RELN: variants seen among roughly 807,000 people sequenced by gnomAD.
The protein encoded by RELN is reelin.
Under a neutral mutation model 427.6 loss-of-function variants are expected in RELN, and 108 were observed. That is an observed-to-expected ratio of 0.25 (90% CI 0.22 to 0.30). The LOEUF (loss-of-function observed/expected upper bound fraction) is 0.30, where lower values mean the gene tolerates loss of function less well. Among genes scored for constraint, RELN ranks in the 10% least tolerant of loss-of-function variants. The pLI is 1.00. For missense variants in RELN, 3,715 were observed against 4,302.8 expected (o/e 0.86, Z 3.82); for synonymous variants, 1,524 against 1,513.4 (o/e 1.01, Z -0.16).
At chr7:103,981,948 T>C (rs904803571) in intron 1 of RELN, among the ~76,000 whole-genome samples, 10 of 152,108 alleles carry the variant, frequency 6.6e-5, no homozygotes, top group Admixed American at 6.5e-4. Flanking sequence ...AGGTGGACCA[T>C]CTGAGGTCAA....
chr7:103,696,545 T>C (rs1054267541), intron 10 of RELN, among the ~76,000 whole-genome samples: 6 of 152,140 alleles, frequency 3.9e-5, no homozygotes, highest in Admixed American at 1.3e-4. Flanking sequence ...CACCTGTCCA[T>C]CCAGCTGCCT....
intron 3 of RELN, among the ~76,000 whole-genome samples, chr7:103,789,908 C>G (rs183356687): frequency 7.0e-6 from 1 of 143,414 alleles, no homozygotes; most frequent in East Asian, 2.1e-4. Flanking sequence ...GCACTATTCA[C>G]AATAGCAAAG....
rs146495825 is a variant in RELN at position 103,792,260 on chromosome 7, G to A, written c.474-15633C>T. On this transcript the variant is annotated intron_variant, in intron 3 of 64. Coordinates refer to ENST00000428762, the MANE Select transcript of RELN (RefSeq NM_005045.4). The stretch of plus-strand genomic sequence containing the variant: ...AACACATGTTCACAGAGAAAAAAAT[G>A]TATACACAAATGTTCTCAGAAGCAT... 1.6e-4 allele frequency among the ~76,000 whole-genome samples: 24 copies of A among 152,224 alleles called. 1 individual carries two copies. The East Asian group carries it at 4.2e-3, about 27-fold the overall frequency.
At chr7:103,882,162 G>A (rs1794622268) in intron 2 of RELN, among the ~76,000 whole-genome samples, 1 of 152,150 alleles carries the variant, frequency 6.6e-6, no homozygotes, top group Non-Finnish European at 1.5e-5. Flanking sequence ...AATAACTAAT[G>A]CTATGTTAAA....
At chr7:103,521,201 G>A (rs1411494459) in intron 48 of RELN, among the ~76,000 whole-genome samples, 3 of 149,154 alleles carry the variant, frequency 2.0e-5, no homozygotes, top group Non-Finnish European at 4.4e-5. Flanking sequence ...GGATGGTCTC[G>A]ATCTCCTGAC....
chr7:103,472,787 G>T lies in RELN; in HGVS notation c.*25C>A. 6.4e-7 allele frequency: 1 copy of T among 1,552,494 alleles called. No individual in the cohort carries two copies. Among genetic ancestry groups the T allele is most frequent in the Non-Finnish European group, 8.9e-7 (1 of 1,124,146 alleles). ...GAGAGCAACACATCACATGTTGGAA[G>T]AAAAAAAATAAACTTTTTGATTCTT... On this transcript the variant is annotated 3_prime_UTR_variant, in exon 65 of 65. Coordinates refer to ENST00000428762, the MANE Select transcript of RELN (RefSeq NM_005045.4).
chr7:103,491,479 C>T (rs937888193), intron 58 of RELN, among the ~76,000 whole-genome samples: 1 of 152,044 alleles, frequency 6.6e-6, no homozygotes, highest in African/African-American at 2.4e-5. Context: ...CATATGTATA[C>T]ATTTTGTACA....
chr7:103,722,091 G>A (rs976441919), intron 8 of RELN, among the ~76,000 whole-genome samples: 1 of 152,090 alleles, frequency 6.6e-6, no homozygotes, highest in Non-Finnish European at 1.5e-5. Context: ...GTAAATTGTT[G>A]TAGGTAATAC....
intron 11 of RELN, among the ~76,000 whole-genome samples, chr7:103,668,680 G>A (rs543189294): frequency 1.3e-5 from 2 of 152,262 alleles, no homozygotes; most frequent in South Asian, 4.1e-4. Flanking sequence ...CAAGCACATG[G>A]AATAGTAACT....
intron 48 of RELN, among the ~76,000 whole-genome samples, chr7:103,520,747 T>A (rs1829680499): frequency 6.6e-6 from 1 of 152,094 alleles, no homozygotes; most frequent in Non-Finnish European, 1.5e-5. Context: ...TGAACATATG[T>A]GAAAAACTCA....
At chr7:103,755,619 A>T (rs1345872548) in intron 4 of RELN, among the ~76,000 whole-genome samples, 1 of 19,780 alleles carries the variant, frequency 5.1e-5, no homozygotes, top group Non-Finnish European at 1.5e-4. Context: ...AAAAAAAAAT[A>T]AAAAAAATAA....
At chr7:103,473,090 T>C (rs1827912621) in intron 64 of RELN, 182 bp from the exon 65 acceptor site, 1 of 709,554 alleles carries the variant, frequency 1.4e-6, no homozygotes, top group Non-Finnish European at 2.6e-6. Context: ...GGCTGGGACC[T>C]ATACTCACTG....
At chr7:103,529,273 T>G (rs78806494) in intron 46 of RELN, among the ~76,000 whole-genome samples, 4,152 of 152,294 alleles carry the variant, frequency 0.027, 174 homozygotes, top group African/African-American at 0.093. Context: ...CTGCAGACAT[T>G]AAGTAGCTTC....
At chr7:103,801,690 T>G (rs1192399354) in intron 3 of RELN, among the ~76,000 whole-genome samples, 1 of 151,586 alleles carries the variant, frequency 6.6e-6, no homozygotes, top group Non-Finnish European at 1.5e-5. Context: ...GTAACGAGCC[T>G]GCACGTTGTG....
intron 11 of RELN, among the ~76,000 whole-genome samples, chr7:103,669,369 C>G (rs892331967): frequency 1.3e-5 from 2 of 152,136 alleles, no homozygotes; most frequent in South Asian, 2.1e-4. Context: ...TCAGGAGGAG[C>G]CTGTTATAGC....
chr7:103,873,172 A>C (rs1446785746), intron 2 of RELN, among the ~76,000 whole-genome samples: 1 of 150,112 alleles, frequency 6.7e-6, no homozygotes, highest in African/African-American at 2.4e-5. Context: ...ACAAAGACAC[A>C]ACATACCAGA....
intron 1 of RELN, among the ~76,000 whole-genome samples, chr7:103,952,663 A>C (rs1796357031): frequency 6.6e-6 from 1 of 152,134 alleles, no homozygotes; most frequent in East Asian, 1.9e-4. Flanking sequence ...GTATGAAGTA[A>C]ATGGAGACAT....
At chr7:103,743,931 A>C (rs1790743860) in intron 6 of RELN, among the ~76,000 whole-genome samples, 1 of 152,062 alleles carries the variant, frequency 6.6e-6, no homozygotes, top group Admixed American at 6.6e-5. Context: ...CATCTACAGA[A>C]CTCTCCACCC....
chr7:103,939,729 G>C (rs775954509), intron 1 of RELN, among the ~76,000 whole-genome samples: 2 of 152,158 alleles, frequency 1.3e-5, no homozygotes, highest in Non-Finnish European at 2.9e-5. Flanking sequence ...AACTGGAACA[G>C]CCTAAATGTT....
Sources: gnomAD v4.1 joint callset for allele counts (sites outside exome capture counted in the v4.1 genomes callset) on GRCh38, gnomAD v4.1.1 for gene constraint, MANE v1.5 for transcripts, NCBI Gene and HGNC (gene_info 2026-07-23, HGNC 2026-07-21) for gene names.